The following TPST1 variants were observed in gnomAD, a reference collection of about 807,000 sequenced individuals.
The protein encoded by TPST1 is tyrosylprotein sulfotransferase 1, also known as protein-tyrosine sulfotransferase 1.
Under a neutral mutation model 34.8 loss-of-function variants are expected in TPST1, and 20 were observed. The ratio of observed to expected loss-of-function variants is 0.57; its 90% CI spans 0.40 to 0.84. The LOEUF is 0.84. Ranked by LOEUF, TPST1 falls within the 40% of genes least tolerant of loss-of-function variation. TPST1 has a pLI of 0.00. For synonymous variants in TPST1, 152 were observed against 159.4 expected, an observed-to-expected ratio of 0.95 and a Z score of 0.35; for missense variants, 353 against 455.5, an observed-to-expected ratio of 0.78 and a Z score of 2.05.
At chr7:66,320,181 C>T (rs999702682) in intron 3 of TPST1, among the ~76,000 whole-genome samples, 2 of 151,754 alleles carry the variant, frequency 1.3e-5, no homozygotes, top group African/African-American at 4.8e-5. Context: ...TCCTGGTAAC[C>T]TTTGGCTGGG....
chr7:66,301,669 G>C (rs1791320530), intron 3 of TPST1, among the ~76,000 whole-genome samples: 1 of 152,150 alleles, frequency 6.6e-6, no homozygotes, highest in African/African-American at 2.4e-5. Flanking sequence ...GAGGGAGAGA[G>C]ATGGGGGAAC....
chr7:66,325,975 C>T (rs1458081153), intron 3 of TPST1, among the ~76,000 whole-genome samples: 3 of 152,108 alleles, frequency 2.0e-5, no homozygotes, highest in Non-Finnish European at 2.9e-5. Flanking sequence ...ATTTTCTTCT[C>T]GCAAGAATTG....
At chr7:66,244,459 G>T (rs1790107214) in intron 2 of TPST1, among the ~76,000 whole-genome samples, 1 of 152,122 alleles carries the variant, frequency 6.6e-6, no homozygotes, top group Non-Finnish European at 1.5e-5. Context: ...CCTTTACTTT[G>T]CTTAGAAATT....
chr7:66,214,888 T>C (rs1343377260), intron 1 of TPST1, among the ~76,000 whole-genome samples: 1 of 147,610 alleles, frequency 6.8e-6, no homozygotes, highest in Non-Finnish European at 1.5e-5. Flanking sequence ...TATATTTATA[T>C]GTATATTTTT....
intron 2 of TPST1, among the ~76,000 whole-genome samples, chr7:66,259,734 C>A (rs1260223484): frequency 1.3e-5 from 2 of 152,162 alleles, no homozygotes; most frequent in African/African-American, 4.8e-5. Context: ...ATATTTATTA[C>A]AATCGATGAA....
intron 3 of TPST1, among the ~76,000 whole-genome samples, chr7:66,348,941 T>C (rs1215244818): frequency 6.6e-6 from 1 of 152,182 alleles, no homozygotes; most frequent in Non-Finnish European, 1.5e-5. Context: ...GTTTTTTTTT[T>C]CTTCTTCATA....
intron 3 of TPST1, among the ~76,000 whole-genome samples, chr7:66,334,120 T>G (rs1792046640): frequency 6.6e-6 from 1 of 152,174 alleles, no homozygotes; most frequent in South Asian, 2.1e-4. Flanking sequence ...GGGAAACGGA[T>G]GAAGTCTGAT....
At chr7:66,213,023 A>G (rs1027045519) in intron 1 of TPST1, among the ~76,000 whole-genome samples, 3 of 152,148 alleles carry the variant, frequency 2.0e-5, no homozygotes, top group African/African-American at 7.2e-5. Flanking sequence ...AAGTTAAATT[A>G]TGATGTGTCT....
At chr7:66,346,664 A>AT (rs1277636734) in intron 3 of TPST1, among the ~76,000 whole-genome samples, 1 of 151,990 alleles carries the variant, frequency 6.6e-6, no homozygotes, top group Non-Finnish European at 1.5e-5. Flanking sequence ...TCTTTTGCCC[A>AT]TTTTTTATTG....
At chr7:66,296,260 CCCCA>C (rs61054965) in intron 3 of TPST1, among the ~76,000 whole-genome samples, 18,330 of 62,800 alleles carry the variant, frequency 0.29, 2,374 homozygotes, top group African/African-American at 0.38. Context: ...CCCCCCCCTC[CCCCA>C]CCGTCTCTGC....
At chr7:66,324,610 C>T (rs2116223862) in intron 3 of TPST1, among the ~76,000 whole-genome samples, 1 of 151,938 alleles carries the variant, frequency 6.6e-6, no homozygotes, top group South Asian at 2.1e-4. Context: ...AGTTCAAGAC[C>T]AGCCTGGCTA....
chr7:66,216,778 T>C (rs1305675269), intron 1 of TPST1, among the ~76,000 whole-genome samples: 1 of 152,226 alleles, frequency 6.6e-6, no homozygotes, highest in African/African-American at 2.4e-5. Flanking sequence ...CTGTTTGCTC[T>C]TTTTCTAGTT....
chr7:66,313,499 A>T (rs1321515524), intron 3 of TPST1, among the ~76,000 whole-genome samples: 1 of 152,224 alleles, frequency 6.6e-6, no homozygotes, highest in Non-Finnish European at 1.5e-5. Context: ...TTGGAAAATG[A>T]TGGAGCAGTG....
chr7:66,226,218 A>G (rs752994119), intron 1 of TPST1, among the ~76,000 whole-genome samples: 2 of 152,088 alleles, frequency 1.3e-5, no homozygotes, highest in African/African-American at 4.8e-5. Context: ...TTCAGTATAC[A>G]CTGTGAGCTG....
chr7:66,287,171 A>G (rs1259648198), intron 3 of TPST1, among the ~76,000 whole-genome samples: 1 of 133,244 alleles, frequency 7.5e-6, no homozygotes, highest in East Asian at 2.1e-4. Context: ...ATGTCCCTAC[A>G]AAGGATATGA....
In TPST1 at chr7:66,240,325, A is replaced by T; in HGVS notation, c.-101A>T. On this transcript the variant is annotated splice_region_variant and 5_prime_UTR_variant, in exon 2 of 6. The change abolishes an upstream ATG in the 5' untranslated region. Coordinates refer to ENST00000304842, the MANE Select transcript of TPST1 (RefSeq NM_003596.4). ...AATAACCTTTTCCTTTCTCTACTAG[A>T]TGTTGGTTATCTTTCTGAAGTAGAC... 1 of 1,380,112 alleles carries T rather than the reference A, an allele frequency of 7.2e-7. No individual in the cohort carries two copies. The highest frequency in any genetic ancestry group is 9.7e-7 in the Non-Finnish European group (1 of 1,030,572). The allele number at this position is 1,380,112 out of a possible 1,614,324, so 85.5% of individuals were successfully genotyped here.
At position 66,233,088 on chromosome 7, in the gene TPST1, C is replaced by T. The variant is rs141019131; in HGVS notation, c.-101-7237C>T. Among the ~76,000 whole-genome samples the T allele has an allele frequency of 4.2e-3, 645 of 151,860 alleles. 3 individuals are homozygous for T. The highest frequency in any genetic ancestry group is 7.9e-3 in the Non-Finnish European group (534 of 67,956). ...ATTGTTGAATTGTAATAGTTTTTTA[C>T]GTGTTCTGGACACAAATCCCTTCTC... On this transcript the variant is annotated intron_variant, in intron 1 of 5. Transcript: ENST00000304842.
At chr7:66,213,470 A>G (rs903049377) in intron 1 of TPST1, among the ~76,000 whole-genome samples, 1 of 152,198 alleles carries the variant, frequency 6.6e-6, no homozygotes, top group Non-Finnish European at 1.5e-5. Context: ...CTTGTTAAAC[A>G]ATAGGCTGGG....
chr7:66,199,234 A>G, the TPST1 span, among the ~76,000 whole-genome samples: 1 of 151,428 alleles, frequency 6.6e-6, no homozygotes, highest in Admixed American at 6.6e-5. Flanking sequence ...CCGTCCATCC[A>G]AACATCCATC....
Sources: gnomAD v4.1 joint callset for allele counts (sites outside exome capture counted in the v4.1 genomes callset) on GRCh38, gnomAD v4.1.1 for gene constraint, MANE v1.5 for transcripts, NCBI Gene and HGNC (gene_info 2026-07-23, HGNC 2026-07-21) for gene names.